GAS6: variants seen among roughly 807,000 people sequenced by gnomAD.
GAS6 encodes growth arrest specific 6.
A neutral mutation model predicts 75.8 loss-of-function variants in GAS6; 41 were observed. The observed-to-expected ratio is 0.54, with a 90% CI of 0.42 to 0.70. GAS6 has a LOEUF of 0.70. Among genes scored for constraint, GAS6 ranks in the 30% least tolerant of loss-of-function variants. GAS6 has a pLI of 0.00. For synonymous variants in GAS6, 432 were observed against 412.6 expected, an observed-to-expected ratio of 1.05 and a Z score of -0.57; for missense variants, 854 against 940.2, an observed-to-expected ratio of 0.91 and a Z score of 1.20.
chr13:113,835,481 A>G (rs750077720), intron 7 of GAS6, 32 bp downstream of exon 7: 2 of 1,606,738 alleles, frequency 1.2e-6, no homozygotes, highest in Non-Finnish European at 1.7e-6. Flanking sequence ...TGGGCGTCAG[A>G]GAAAGCGAGG....
In GAS6 at chr13:113,837,353, T is replaced by A. The variant is rs749238270; in HGVS notation, c.589+716A>T. 6.6e-6 allele frequency among the ~76,000 whole-genome samples: 1 copy of A among 152,090 alleles called. No homozygotes were observed. The highest frequency in any genetic ancestry group is 1.5e-5 in the Non-Finnish European group (1 of 67,998). On this transcript the variant is annotated intron_variant, in intron 6 of 14. Transcript: ENST00000327773. The surrounding 1 kb of genome is among the most constrained non-coding windows in gnomAD (Gnocchi z 5.1). ...CTGTTTCTCCCTGAGCAACTGTCTG[T>A]CCTGTCCACGCAGTTCGGTGTCCTG... is the stretch of plus-strand genomic sequence containing the variant.
At chr13:113,832,239 C>G (rs1163134366) in intron 10 of GAS6, 60 bp downstream of exon 10, 1 of 1,544,384 alleles carries the variant, frequency 6.5e-7, no homozygotes, top group Non-Finnish European at 8.7e-7. Context: ...CGAGTGACAG[C>G]TGAGTCTGGC....
At chr13:113,821,512 C>T (rs1247225564) in intron 14 of GAS6, 4 of 235,552 alleles carry the variant, frequency 1.7e-5, no homozygotes, top group African/African-American at 4.4e-5. Context: ...CGGTCCCAGC[C>T]TCTGTGCTGT....
chr13:113,835,962 CGG>C, intron 6 of GAS6: 1 of 1,105,392 alleles, frequency 9.0e-7, no homozygotes, highest in South Asian at 4.1e-5. Context: ...CTACAGGACA[CGG>C]GGCCGTAAAA....
intron 12 of GAS6, 139 bp from the exon 13 acceptor site, chr13:113,823,689 A>T: frequency 1.2e-6 from 1 of 832,748 alleles, no homozygotes; most frequent in South Asian, 1.9e-5. Flanking sequence ...ACGTGATGGA[A>T]AACTCAACAG....
chr13:113,825,338 G>A (rs2051522914), intron 12 of GAS6, among the ~76,000 whole-genome samples: 1 of 152,076 alleles, frequency 6.6e-6, no homozygotes, highest in African/African-American at 2.4e-5. Context: ...TCCCCGGGAA[G>A]GTTTCCCGGC....
At chr13:113,860,105 C>T (rs77377933) in intron 2 of GAS6, among the ~76,000 whole-genome samples, 14,574 of 152,220 alleles carry the variant, frequency 0.096, 920 homozygotes, top group East Asian at 0.17. Context: ...GAATTCCTCA[C>T]CACCAGCAGT....
intron 4 of GAS6, chr13:113,842,168 T>TTTAAA (rs1349381369): frequency 1.1e-4 from 17 of 159,622 alleles, no homozygotes; most frequent in African/African-American, 4.0e-4. Flanking sequence ...CACCTCAGTT[T>TTTAAA]CCTCCGTCTG....
Position 113,863,958 on chromosome 13 carries a change from C to T in GAS6, c.-38G>A. ...ACGCGCGGTCAGAGCGCCCGGGAGGCCGAGGCGAGCCGCGGGCGCCGCGGG... is the reference window on the plus strand; with the variant it reads ...ACGCGCGGTCAGAGCGCCCGGGAGGTCGAGGCGAGCCGCGGGCGCCGCGGG... On this transcript the variant is annotated 5_prime_UTR_variant, in exon 1 of 15. Coordinates refer to ENST00000327773, the MANE Select transcript of GAS6 (RefSeq NM_000820.4). The surrounding 1 kb of genome is among the most constrained non-coding windows in gnomAD (Gnocchi z 9.4). 1.9e-6 allele frequency: 2 copies of T among 1,052,548 alleles called. No homozygotes were observed. The highest frequency in any genetic ancestry group is 2.3e-6 in the Non-Finnish European group (2 of 875,788). 65.2% of individuals were successfully genotyped at this position (1,052,548 alleles called of 1,614,324 possible).
intron 14 of GAS6, chr13:113,821,706 G>A (rs928427048): frequency 6.0e-6 from 3 of 503,176 alleles, no homozygotes; most frequent in African/African-American, 1.9e-5. Flanking sequence ...GAAGATGCAG[G>A]TTCGTGGGGC....
At chr13:113,824,988 G>T (rs2051516342) in intron 12 of GAS6, among the ~76,000 whole-genome samples, 1 of 152,160 alleles carries the variant, frequency 6.6e-6, no homozygotes, top group East Asian at 1.9e-4. Context: ...GGAGGCTGAG[G>T]TGGGTGGATC....
intron 6 of GAS6, 149 bp from the exon 7 acceptor site, chr13:113,835,784 C>G: frequency 6.9e-7 from 1 of 1,458,300 alleles, no homozygotes; most frequent in Non-Finnish European, 9.0e-7. Flanking sequence ...TTTCCCTGCC[C>G]TCCTCCCCTG....
At chr13:113,827,884 C>T (rs997892691) in intron 11 of GAS6, among the ~76,000 whole-genome samples, 3 of 152,280 alleles carry the variant, frequency 2.0e-5, no homozygotes, top group East Asian at 1.9e-4. Context: ...CCACACTGAC[C>T]GCCCATCATG....
At chr13:113,839,030 G>T in intron 5 of GAS6, 1 of 165,240 alleles carries the variant, frequency 6.1e-6, no homozygotes, top group East Asian at 1.8e-4. Context: ...CTGGGGAGCT[G>T]CTGGCAGTCA....
chr13:113,838,153 G>A lies in GAS6; in HGVS notation c.505C>T (p.Gln169Ter). The A allele has an allele frequency of 6.2e-7, 1 of 1,612,960 alleles. No individual in the cohort carries two copies. The highest frequency in any genetic ancestry group is 8.5e-7 in the Non-Finnish European group (1 of 1,179,906). Residue 169 changes from glutamine to a stop codon, truncating the protein, a stop_gained, in exon 6 of 15, where the codon CAG (glutamine) becomes TAG (stop). Transcript: ENST00000327773. LOFTEE classifies it high-confidence loss of function. Reference sequence around the variant, plus strand: ...CTACCCGGCTTGTTGTGGCAGATCTGGAGGCAGCCCCCGTTCTCCTGGCTG... The same window carrying A: ...CTACCCGGCTTGTTGTGGCAGATCTAGAGGCAGCCCCCGTTCTCCTGGCTG... Reference protein sequence around the residue: ...ECSQENGGCLQICHNKPGSFH... With the variant: ...ECSQENGGCL
rs1456158395 is a variant in GAS6, at chr13:113,848,763, C to T, written c.256-713G>A. Among the ~76,000 whole-genome samples, 4 of 152,310 alleles carry T rather than the reference C, an allele frequency of 2.6e-5. No homozygotes were observed. The highest frequency in any genetic ancestry group is 3.9e-4 in the East Asian group (2 of 5,186). On this transcript the variant is annotated intron_variant, in intron 2 of 14. Coordinates refer to ENST00000327773, the MANE Select transcript of GAS6 (RefSeq NM_000820.4). The surrounding 1 kb of genome is among the most constrained non-coding windows in gnomAD (Gnocchi z 4.8). ...CACAGTCATGGCAGAATAGTCCCAGCGGCCTCTCCATGCTGGGTATGAGTC... is the reference window on the plus strand; with the variant it reads ...CACAGTCATGGCAGAATAGTCCCAGTGGCCTCTCCATGCTGGGTATGAGTC...
intron 7 of GAS6, among the ~76,000 whole-genome samples, chr13:113,835,036 T>C (rs546768557): frequency 1.3e-5 from 2 of 152,284 alleles, no homozygotes; most frequent in East Asian, 1.9e-4. Flanking sequence ...ACAGCTGTGG[T>C]GGGAAATGGA....
chr13:113,826,964 C>G (rs2051557850), intron 12 of GAS6, 32 bp downstream of exon 12: 1 of 1,597,420 alleles, frequency 6.3e-7, no homozygotes. Context: ...GGTGCAGCCA[C>G]AGCCACCCCA....
At chr13:113,842,804 G>A (rs2051800054) in intron 4 of GAS6, 2 of 396,794 alleles carry the variant, frequency 5.0e-6, no homozygotes, top group Non-Finnish European at 8.8e-6. Flanking sequence ...TTCAGAAGTG[G>A]ACACCTGCCC....
Sources: gnomAD v4.1 joint callset for allele counts (sites outside exome capture counted in the v4.1 genomes callset) on GRCh38, gnomAD v4.1.1 for gene constraint, Gnocchi (gnomAD v3.1) non-coding constraint, MANE v1.5 for transcripts, NCBI Gene and HGNC (gene_info 2026-07-23, HGNC 2026-07-21) for gene names.